Variants in CHAT observed in about 807,000 individuals in gnomAD.
CHAT encodes the protein choline O-acetyltransferase.
In CHAT, 61 loss-of-function variants were observed where a neutral mutation model predicts 76.9. The observed-to-expected ratio is 0.79, with a 90% confidence interval of 0.65 to 0.98. The LOEUF (loss-of-function observed/expected upper bound fraction) is 0.98, where lower values mean the gene tolerates loss of function less well. CHAT is among the 50% of genes least tolerant of loss of function. The pLI is 0.00. For synonymous variants in CHAT, 407 were observed against 397.4 expected, an observed-to-expected ratio of 1.02 and a Z score of -0.29; for missense variants, 946 against 986.9, an observed-to-expected ratio of 0.96 and a Z score of 0.56.
chr10:49,656,520 T>C (rs1241829882), intron 13 of CHAT, among the ~76,000 whole-genome samples: 3 of 151,940 alleles, frequency 2.0e-5, no homozygotes, highest in Non-Finnish European at 4.4e-5. Context: ...CAGGAAGAAT[T>C]CCCAGGGAAA....
At chr10:49,643,386 C>T (rs1024238185) in intron 7 of CHAT, among the ~76,000 whole-genome samples, 9 of 152,326 alleles carry the variant, frequency 5.9e-5, no homozygotes, top group African/African-American at 1.9e-4. Flanking sequence ...ATCCACCACC[C>T]TGCACTACTA....
intron 7 of CHAT, among the ~76,000 whole-genome samples, chr10:49,639,372 G>T (rs1410092623): frequency 6.6e-6 from 1 of 151,734 alleles, no homozygotes; most frequent in Admixed American, 6.6e-5. Context: ...CATTTCTGAA[G>T]GATATTTTTT....
chr10:49,623,420 T>C (rs538591987), intron 5 of CHAT, among the ~76,000 whole-genome samples: 5 of 152,360 alleles, frequency 3.3e-5, no homozygotes, highest in African/African-American at 1.2e-4. Flanking sequence ...CCTGAGTGCC[T>C]GTTTTGAACC....
At position 49,619,788 on chromosome 10, in the gene CHAT, C is replaced by A. The variant is rs777679246; in HGVS notation, c.451C>A (p.Arg151=). The A allele has an allele frequency of 4.3e-6, 7 of 1,614,066 alleles. No individual in the cohort carries two copies. Among genetic ancestry groups the A allele is most frequent in the Non-Finnish European group, 5.1e-6 (6 of 1,180,030 alleles). The stretch of plus-strand genomic sequence containing the variant: ...CCTGGCCACGTACCTGCAGTGCATG[C>A]GACACTTGGTGTCTGAGGAGCAGTT... ...QTLATYLQCM[R]HLVSEEQFRK... The change falls in exon 3 of 15, where the codon CGA becomes AGA. Residue 151 remains arginine (R), a synonymous_variant. Transcript: ENST00000337653.
At chr10:49,653,960 C>T (rs1839957141) in intron 11 of CHAT, among the ~76,000 whole-genome samples, 1 of 152,262 alleles carries the variant, frequency 6.6e-6, no homozygotes, top group Non-Finnish European at 1.5e-5. Context: ...CAGGAAAGGA[C>T]ATAGCCAGAG....
chr10:49,632,041 C>A (rs891076151), intron 7 of CHAT, among the ~76,000 whole-genome samples: 13 of 152,168 alleles, frequency 8.5e-5, no homozygotes, highest in Middle Eastern at 3.4e-3. Context: ...GAAGCAGGAA[C>A]AGTAGAAGGA....
chr10:49,620,826 A>G (rs1299509661), intron 4 of CHAT, among the ~76,000 whole-genome samples: 1 of 152,208 alleles, frequency 6.6e-6, no homozygotes, highest in Admixed American at 6.5e-5. Context: ...GCCTTAGTCT[A>G]TATTTATCTT....
chr10:49,626,328 A>G (rs144132123), intron 6 of CHAT, among the ~76,000 whole-genome samples: 268 of 152,332 alleles, frequency 1.8e-3, no homozygotes, highest in African/African-American at 5.6e-3. Flanking sequence ...CCACTGCACT[A>G]TATATTCCAT....
chr10:49,627,869 C>T (rs112704571), intron 7 of CHAT, 84 bp downstream of exon 7: 3 of 1,464,700 alleles, frequency 2.0e-6, no homozygotes, highest in African/African-American at 1.4e-5. Context: ...TGGGCCAGGG[C>T]CTCATCCCCA....
intron 2 of CHAT, among the ~76,000 whole-genome samples, chr10:49,617,288 C>T (rs533775820): frequency 3.3e-5 from 5 of 151,976 alleles, no homozygotes; most frequent in African/African-American, 1.2e-4. Flanking sequence ...AGCTGACAAA[C>T]ATCTATTGTC....
At chr10:49,610,027 G>T (rs542216096), upstream of CHAT, among the ~76,000 whole-genome samples, 1 of 151,776 alleles carries the variant, frequency 6.6e-6, no homozygotes, top group African/African-American at 2.4e-5. Context: ...GCGGGCGGGG[G>T]GCAGGCAGGG....
At chr10:49,610,982 C>T (rs775218452), upstream of CHAT, 52 of 1,611,816 alleles carry the variant, frequency 3.2e-5, no homozygotes, top group South Asian at 7.7e-5. Flanking sequence ...TGGGAGCCCA[C>T]CCTGCCGCTG....
rs1330879176 is a variant in CHAT at position 49,628,559 on chromosome 10, A to G, written c.1111+774A>G. On this transcript the variant is annotated intron_variant, in intron 7 of 14. Transcript: ENST00000337653. Reference sequence around the variant, plus strand: ...GACAAAGGAGTTGAGGCCTCTACCCAAGAGCAGCCCCATGATGGGAACAGG... The same window carrying G: ...GACAAAGGAGTTGAGGCCTCTACCCGAGAGCAGCCCCATGATGGGAACAGG... Among the ~76,000 whole-genome samples, 3 of 152,324 alleles carry G rather than the reference A, an allele frequency of 2.0e-5. No individual in the cohort carries two copies. The East Asian group carries it at 5.8e-4, about 29-fold the overall frequency.
At position 49,665,730 on chromosome 10, in the gene CHAT, A is replaced by C. The variant is rs951361252; in HGVS notation, c.*684A>C. 6.6e-6 allele frequency among the ~76,000 whole-genome samples: 1 copy of C among 152,216 alleles called. No individual in the cohort carries two copies. The highest frequency in any genetic ancestry group is 6.5e-5 in the Admixed American group (1 of 15,294). ...GAAAATTGTGTCCAGCTATTCTGAA[A>C]GGAAAAAAAAATTTATCTGTGACTG... is the stretch of plus-strand genomic sequence containing the variant. On this transcript the variant is annotated 3_prime_UTR_variant, in exon 15 of 15. Transcript: ENST00000337653.
chr10:49,635,731 A>G (rs1464402352), intron 7 of CHAT, among the ~76,000 whole-genome samples: 1 of 152,242 alleles, frequency 6.6e-6, no homozygotes, highest in Admixed American at 6.5e-5. Flanking sequence ...TTCAACAACC[A>G]TTCATGATAA....
At chr10:49,644,897 A>C (rs1184584755) in intron 7 of CHAT, among the ~76,000 whole-genome samples, 1 of 152,206 alleles carries the variant, frequency 6.6e-6, no homozygotes, top group Non-Finnish European at 1.5e-5. Context: ...CCACCCTGGG[A>C]AGGGGAGCTG....
At chr10:49,663,075 T>A (rs1840247463) in intron 14 of CHAT, among the ~76,000 whole-genome samples, 1 of 151,964 alleles carries the variant, frequency 6.6e-6, no homozygotes, top group African/African-American at 2.4e-5. Flanking sequence ...TCCCTATTTT[T>A]AAAAATTAGC....
chr10:49,649,675 G>A, intron 10 of CHAT, 39 bp downstream of exon 10: 1 of 1,612,342 alleles, frequency 6.2e-7, no homozygotes, highest in Non-Finnish European at 8.5e-7. Flanking sequence ...GGTCCCCTAG[G>A]GACCACCCCG....
chr10:49,622,139 C>G lies in CHAT; in HGVS notation c.741C>G (p.Ala247=), dbSNP rs767727254. The change falls in exon 5 of 15, where the codon GCC becomes GCG. Residue 247 remains alanine, a synonymous_variant. Coordinates refer to ENST00000337653, the MANE Select transcript of CHAT (RefSeq NM_020549.5). Reference sequence around the variant, plus strand: ...TCTCTGGTGTACTCAGCTACAAGGCCCTGCTGGACAGGTAGGACTGGGAGG... The same window carrying G: ...TCTCTGGTGTACTCAGCTACAAGGCGCTGCTGGACAGGTAGGACTGGGAGG... ...SLISGVLSYK[A]LLDSHSIPTD... The G allele has an allele frequency of 1.2e-6, 2 of 1,613,582 alleles. No homozygotes were observed. The highest frequency in any genetic ancestry group is 2.2e-5 in the South Asian group (2 of 91,074).
Sources: allele counts gnomAD v4.1 joint callset (sites outside exome capture counted in the v4.1 genomes callset), GRCh38; gene constraint gnomAD v4.1.1; transcripts MANE v1.5; gene names NCBI Gene and HGNC (gene_info 2026-07-23, HGNC 2026-07-21).